The following PACSIN2 variants were observed in gnomAD, a reference collection of about 807,000 sequenced individuals.
The protein encoded by PACSIN2 is protein kinase C and casein kinase substrate in neurons 2.
PACSIN2 carries 25 observed loss-of-function variants against 63.8 expected under a neutral mutation model. The ratio of observed to expected loss-of-function variants is 0.39; its 90% CI spans 0.29 to 0.55. The LOEUF (loss-of-function observed/expected upper bound fraction) is 0.55. Among genes scored for constraint, PACSIN2 ranks in the 20% least tolerant of loss-of-function variants. The probability of loss-of-function intolerance (pLI) is 0.62; values close to 1 mark genes in which losing one functional copy is unlikely to be tolerated. For synonymous variants in PACSIN2, 255 were observed against 256.2 expected, an observed-to-expected ratio of 1.00 and a Z score of 0.05; for missense variants, 518 against 646.9, an observed-to-expected ratio of 0.80 and a Z score of 2.16.
chr22:42,900,026 A>C (rs938842046), intron 2 of PACSIN2, among the ~76,000 whole-genome samples: 2 of 152,114 alleles, frequency 1.3e-5, no homozygotes, highest in Non-Finnish European at 2.9e-5. Context: ...TCCCCCTCCT[A>C]CCTGCCCCCA....
intron 2 of PACSIN2, among the ~76,000 whole-genome samples, chr22:42,910,768 G>A (rs1931399312): frequency 6.6e-6 from 1 of 152,216 alleles, no homozygotes; most frequent in Admixed American, 6.5e-5. Flanking sequence ...CACCAGCCGA[G>A]GGGTGGCAGC....
chr22:42,877,983 C>T (rs1388118038), intron 8 of PACSIN2, among the ~76,000 whole-genome samples: 1 of 152,230 alleles, frequency 6.6e-6, no homozygotes, highest in African/African-American at 2.4e-5. Flanking sequence ...GTAACTGCCT[C>T]ATCCACTTCA....
intron 1 of PACSIN2, among the ~76,000 whole-genome samples, chr22:42,987,917 G>A (rs1298305948): frequency 9.2e-5 from 14 of 152,020 alleles, no homozygotes; most frequent in Admixed American, 9.2e-4. Context: ...GAGGCGGGCA[G>A]ATCACTTGAG....
At chr22:42,892,223 C>T (rs2017440390) in intron 3 of PACSIN2, among the ~76,000 whole-genome samples, 2 of 152,168 alleles carry the variant, frequency 1.3e-5, no homozygotes, top group South Asian at 4.2e-4. Flanking sequence ...AGAGCCACAA[C>T]GGAGCCGGGG....
chr22:42,951,077 A>AT (rs1350656482), intron 1 of PACSIN2, among the ~76,000 whole-genome samples: 1 of 152,160 alleles, frequency 6.6e-6, no homozygotes, highest in Non-Finnish European at 1.5e-5. Flanking sequence ...GGGCTTTTGC[A>AT]TATCTGTATC....
chr22:43,010,398 A>ATATATTTTTTTTT lies in PACSIN2; in HGVS notation c.-78+4622_-78+4623insAAAAAAAAATATA. Reference sequence around the variant, plus strand: ...TGTTTAAAAATACATATATATATATATTTTTTTTTAATTGAAAATAAAAAA... The same window carrying ATATATTTTTTTTT: ...TGTTTAAAAATACATATATATATATATATATTTTTTTTTTTTTTTTTTAATTGAAAATAAAAAA... On this transcript the variant is annotated intron_variant, in intron 1 of 10. Transcript: ENST00000263246. 2.3e-4 allele frequency among the ~76,000 whole-genome samples: 29 copies of ATATATTTTTTTTT among 126,408 alleles called. 1 individual carries two copies. Among genetic ancestry groups the ATATATTTTTTTTT allele is most frequent in the African/African-American group, 7.6e-4 (27 of 35,356 alleles). 82.9% of individuals were successfully genotyped at this position (126,408 alleles called of 152,430 possible). A position where few individuals can be genotyped will look rare whatever the true frequency, so the allele number is the denominator to read the frequency against.
chr22:42,937,366 G>A (rs939413197), intron 1 of PACSIN2, among the ~76,000 whole-genome samples: 5 of 152,184 alleles, frequency 3.3e-5, no homozygotes, highest in African/African-American at 1.2e-4. Context: ...AGGTGTGGCA[G>A]CAGTTCCTGG....
At chr22:42,940,100 G>A (rs1933084994) in intron 1 of PACSIN2, among the ~76,000 whole-genome samples, 1 of 152,192 alleles carries the variant, frequency 6.6e-6, no homozygotes, top group South Asian at 2.1e-4. Flanking sequence ...CTGTAGGCAG[G>A]AGCGGGACAA....
chr22:42,971,134 G>A (rs919073422), intron 1 of PACSIN2, among the ~76,000 whole-genome samples: 4 of 152,314 alleles, frequency 2.6e-5, no homozygotes, highest in Non-Finnish European at 4.4e-5. Flanking sequence ...CTCTGATGCC[G>A]AGCCAAAGCT....
At chr22:43,012,644 G>A (rs1233623451) in intron 1 of PACSIN2, among the ~76,000 whole-genome samples, 1 of 151,354 alleles carries the variant, frequency 6.6e-6, no homozygotes, top group Non-Finnish European at 1.5e-5. Context: ...GCACCACTAC[G>A]CCAGACTAAT....
At chr22:42,997,251 T>C (rs961919164) in intron 1 of PACSIN2, among the ~76,000 whole-genome samples, 1 of 152,166 alleles carries the variant, frequency 6.6e-6, no homozygotes, top group Non-Finnish European at 1.5e-5. Context: ...CGTTCAAAAA[T>C]TTGCTGAATA....
At chr22:42,982,887 A>AAAAAC (rs200348918) in intron 1 of PACSIN2, among the ~76,000 whole-genome samples, 21 of 129,538 alleles carry the variant, frequency 1.6e-4, no homozygotes, top group South Asian at 2.6e-4. Flanking sequence ...AAAAAAAAAA[A>AAAAAC]AAACAACAAC....
chr22:42,898,897 G>A (rs1283916798), intron 2 of PACSIN2, among the ~76,000 whole-genome samples: 1 of 152,186 alleles, frequency 6.6e-6, no homozygotes, highest in Non-Finnish European at 1.5e-5. Context: ...AGAGAAAGGG[G>A]CTCTACCTGA....
At chr22:42,970,624 C>A (rs558339612) in intron 1 of PACSIN2, among the ~76,000 whole-genome samples, 58 of 152,252 alleles carry the variant, frequency 3.8e-4, no homozygotes, top group Non-Finnish European at 6.9e-4. Flanking sequence ...AAAAGTTTAA[C>A]GAACATTCAT....
intron 2 of PACSIN2, among the ~76,000 whole-genome samples, chr22:42,899,568 C>CA (rs1208064599): frequency 6.6e-6 from 1 of 152,158 alleles, no homozygotes; most frequent in African/African-American, 2.4e-5. Context: ...GGTGGGTGTA[C>CA]AGCACCCTTT....
At chr22:42,981,480 C>CG (rs1303016043) in intron 1 of PACSIN2, among the ~76,000 whole-genome samples, 8 of 28,910 alleles carry the variant, frequency 2.8e-4, no homozygotes, top group Admixed American at 1.7e-3. Context: ...GGGAGGGAGG[C>CG]GGCGGGGGGG....
At position 42,871,130 on chromosome 22, in the gene PACSIN2, C is replaced by T; in HGVS notation, c.*227G>A. On this transcript the variant is annotated 3_prime_UTR_variant, in exon 11 of 11. Transcript: ENST00000263246. The surrounding 1 kb of genome is among the most constrained non-coding windows in gnomAD (Gnocchi z 5.4). ...AGGCACAGTGGGCGGGGAGGGGCGG[C>T]TATTTCTGTTGTTCTGCGTCTTCCT... 1 of 573,778 alleles carries T rather than the reference C, an allele frequency of 1.7e-6. No individual in the cohort carries two copies. The highest frequency in any genetic ancestry group is 2.0e-5 in the South Asian group (1 of 48,822). 35.5% of individuals were successfully genotyped at this position (573,778 alleles called of 1,614,324 possible).
At position 42,921,814 on chromosome 22, in the gene PACSIN2, C is replaced by T. The variant is rs867843985; in HGVS notation, c.-77-9657G>A. On this transcript the variant is annotated intron_variant, in intron 1 of 10. Coordinates refer to ENST00000263246, the MANE Select transcript of PACSIN2 (RefSeq NM_001184970.3). Reference sequence around the variant, plus strand: ...AGTGCAGTGGCGCGATCTCAGCTCACTGCAACCTCCGTCTCCCGGGTTCAG... The same window carrying T: ...AGTGCAGTGGCGCGATCTCAGCTCATTGCAACCTCCGTCTCCCGGGTTCAG... Among the ~76,000 whole-genome samples, 60 of 151,870 alleles carry T rather than the reference C, an allele frequency of 4.0e-4. 1 individual carries two copies. The highest frequency in any genetic ancestry group is 1.4e-3 in the African/African-American group (59 of 41,342).
intron 1 of PACSIN2, among the ~76,000 whole-genome samples, chr22:42,934,767 A>C (rs756481295): frequency 2.0e-5 from 3 of 152,206 alleles, no homozygotes; most frequent in Non-Finnish European, 2.9e-5. Context: ...TAACCCTGGT[A>C]GATCAGACCA....
Sources: allele counts gnomAD v4.1 joint callset (sites outside exome capture counted in the v4.1 genomes callset), GRCh38; gene constraint gnomAD v4.1.1; non-coding constraint Gnocchi (gnomAD v3.1); transcripts MANE v1.5; gene names NCBI Gene and HGNC (gene_info 2026-07-23, HGNC 2026-07-21).